GRIK2: variants seen among roughly 807,000 people sequenced by gnomAD.
GRIK2 encodes the protein glutamate ionotropic receptor kainate type subunit 2.
A neutral mutation model predicts 100.3 loss-of-function variants in GRIK2; 32 were observed. That is an observed-to-expected ratio of 0.32 (90% CI 0.24 to 0.43). The LOEUF (loss-of-function observed/expected upper bound fraction) is 0.43. GRIK2 is among the 20% of genes least tolerant of loss of function. GRIK2 has a pLI of 1.00. For synonymous variants in GRIK2, 417 were observed against 389.4 expected (o/e 1.07, Z -0.83); for missense variants, 843 against 1,114.9 (o/e 0.76, Z 3.47).
intron 7 of GRIK2, among the ~76,000 whole-genome samples, chr6:101,778,283 T>C (rs933816703): frequency 1.3e-5 from 2 of 152,118 alleles, no homozygotes; most frequent in Non-Finnish European, 2.9e-5. Flanking sequence ...TAGAATAAAA[T>C]GAAATCAATG....
intron 7 of GRIK2, among the ~76,000 whole-genome samples, chr6:101,712,781 T>C (rs1682910199): frequency 6.6e-6 from 1 of 151,830 alleles, no homozygotes; most frequent in Non-Finnish European, 1.5e-5. Flanking sequence ...TTCAACAGAA[T>C]ACTGTTTAGA....
At chr6:101,897,816 A>C (rs1255758345) in intron 12 of GRIK2, among the ~76,000 whole-genome samples, 3 of 151,886 alleles carry the variant, frequency 2.0e-5, no homozygotes, top group Non-Finnish European at 4.4e-5. Context: ...TGTCTTGAGA[A>C]ATGTAGAAAA....
chr6:101,675,471 A>G lies in GRIK2; in HGVS notation c.542-1152A>G, dbSNP rs139583484. 3.3e-5 allele frequency among the ~76,000 whole-genome samples: 5 copies of G among 152,300 alleles called. No individual in the cohort carries two copies. The East Asian group carries it at 9.6e-4, about 29-fold the overall frequency. On this transcript the variant is annotated intron_variant, in intron 4 of 16. Coordinates refer to ENST00000369134, the MANE Select transcript of GRIK2 (RefSeq NM_021956.5). Reference sequence around the variant, plus strand: ...TACTAGTATAGAGATGAGATTTTTAAAAGATAAGAAGAAAGAGTAGAAGGA... The same window carrying G: ...TACTAGTATAGAGATGAGATTTTTAGAAGATAAGAAGAAAGAGTAGAAGGA...
chr6:102,053,422 CAG>C (rs980449168), intron 15 of GRIK2, among the ~76,000 whole-genome samples: 9 of 152,068 alleles, frequency 5.9e-5, no homozygotes, highest in African/African-American at 1.9e-4. Context: ...TTACATATCA[CAG>C]AGACTCAAGC....
chr6:101,402,578 C>G (rs1408435497), intron 2 of GRIK2, among the ~76,000 whole-genome samples: 1 of 152,212 alleles, frequency 6.6e-6, no homozygotes, highest in African/African-American at 2.4e-5. Flanking sequence ...TCCAGGCAGG[C>G]GGGCGAGCCC....
chr6:101,509,127 C>T (rs1204725809), intron 2 of GRIK2, among the ~76,000 whole-genome samples: 1 of 138,844 alleles, frequency 7.2e-6, no homozygotes, highest in Non-Finnish European at 1.5e-5. Flanking sequence ...CACTGCACTC[C>T]AGTCTGGGTG....
chr6:101,791,668 A>G (rs531942572), intron 7 of GRIK2, among the ~76,000 whole-genome samples: 4 of 152,174 alleles, frequency 2.6e-5, no homozygotes, highest in Admixed American at 2.6e-4. Flanking sequence ...GTGGTGCTGA[A>G]AAAATGTATA....
At chr6:101,771,938 G>A (rs903506920) in intron 7 of GRIK2, among the ~76,000 whole-genome samples, 1 of 151,974 alleles carries the variant, frequency 6.6e-6, no homozygotes, top group Admixed American at 6.6e-5. Flanking sequence ...TATCATTGTT[G>A]GACATTTGGG....
chr6:101,794,077 G>A (rs986145345), intron 7 of GRIK2, among the ~76,000 whole-genome samples: 4 of 152,096 alleles, frequency 2.6e-5, no homozygotes, highest in East Asian at 3.9e-4. Context: ...CGCAGTATTC[G>A]GGTGGGAGTG....
chr6:101,801,113 T>A (rs1008489517), intron 8 of GRIK2, among the ~76,000 whole-genome samples: 1 of 152,068 alleles, frequency 6.6e-6, no homozygotes, highest in African/African-American at 2.4e-5. Context: ...AGAATTGAAT[T>A]TGTGATAAAA....
At chr6:101,444,354 AT>A (rs1325952680) in intron 2 of GRIK2, among the ~76,000 whole-genome samples, 2 of 152,048 alleles carry the variant, frequency 1.3e-5, no homozygotes, top group African/African-American at 4.8e-5. Context: ...TACTTTAAAA[AT>A]ATTTTAGATT....
intron 14 of GRIK2, among the ~76,000 whole-genome samples, chr6:102,026,641 T>C (rs1270654644): frequency 1.3e-5 from 2 of 151,264 alleles, no homozygotes; most frequent in East Asian, 3.9e-4. Flanking sequence ...CTGCACCAAA[T>C]GATACTAAAC....
chr6:101,757,631 C>T (rs942684332), intron 7 of GRIK2, among the ~76,000 whole-genome samples: 5 of 152,234 alleles, frequency 3.3e-5, no homozygotes, highest in African/African-American at 1.2e-4. Flanking sequence ...TAGAGTCCAG[C>T]TTCAAACAAT....
chr6:101,909,384 T>TTTTTTTTTTTTTTTTTTTTTTG (rs1562480998), intron 12 of GRIK2, among the ~76,000 whole-genome samples: 1 of 138,528 alleles, frequency 7.2e-6, no homozygotes, highest in Non-Finnish European at 1.6e-5. Flanking sequence ...TTCTTTTTCT[T>TTTTTTTTTTTTTTTTTTTTTTG]TTTTTTTTTT....
intron 4 of GRIK2, among the ~76,000 whole-genome samples, chr6:101,641,139 A>C (rs914316622): frequency 6.6e-6 from 1 of 152,116 alleles, no homozygotes; most frequent in Non-Finnish European, 1.5e-5. Context: ...TGTGAAGTAT[A>C]AATTGAGATT....
At chr6:101,815,430 T>A (rs1403670494) in intron 9 of GRIK2, among the ~76,000 whole-genome samples, 1 of 152,280 alleles carries the variant, frequency 6.6e-6, no homozygotes, top group South Asian at 2.1e-4. Context: ...TCATATTTCT[T>A]GTATCTAATT....
At chr6:101,491,030 A>C (rs1056460850) in intron 2 of GRIK2, among the ~76,000 whole-genome samples, 2 of 145,852 alleles carry the variant, frequency 1.4e-5, no homozygotes, top group Non-Finnish European at 1.5e-5. Flanking sequence ...GTTGGCATTC[A>C]GACAGGTGTC....
chr6:101,510,162 T>A (rs1774226720), intron 2 of GRIK2, among the ~76,000 whole-genome samples: 1 of 152,196 alleles, frequency 6.6e-6, no homozygotes, highest in African/African-American at 2.4e-5. Flanking sequence ...AGCAAAGGAT[T>A]GGAATGTTTT....
At chr6:101,729,195 T>A (rs1775082474) in intron 7 of GRIK2, among the ~76,000 whole-genome samples, 1 of 152,058 alleles carries the variant, frequency 6.6e-6, no homozygotes, top group South Asian at 2.1e-4. Context: ...TCATTTAAAA[T>A]GGCTCATTAA....
Sources: gnomAD v4.1 joint callset for allele counts (sites outside exome capture counted in the v4.1 genomes callset) on GRCh38, gnomAD v4.1.1 for gene constraint, MANE v1.5 for transcripts, NCBI Gene and HGNC (gene_info 2026-07-23, HGNC 2026-07-21) for gene names.